Variants in VAV3 observed in about 807,000 individuals in gnomAD.
The protein encoded by VAV3 is vav guanine nucleotide exchange factor 3, also known as guanine nucleotide exchange factor VAV3.
In VAV3, 94 loss-of-function variants were observed where a neutral mutation model predicts 131.2. The ratio of observed to expected loss-of-function variants is 0.72; its 90% CI spans 0.61 to 0.85. The LOEUF is 0.85. Among genes scored for constraint, VAV3 ranks in the 40% least tolerant of loss-of-function variants. The pLI, the probability that VAV3 is intolerant of heterozygous loss-of-function variation, is 0.00. For synonymous variants in VAV3, 349 were observed against 342.0 expected (o/e 1.02, Z -0.22); for missense variants, 939 against 1,002.7 (o/e 0.94, Z 0.86).
intron 15 of VAV3, among the ~76,000 whole-genome samples, chr1:107,719,184 A>G (rs1478411941): frequency 6.6e-6 from 1 of 152,246 alleles, no homozygotes; most frequent in Non-Finnish European, 1.5e-5. Flanking sequence ...AAGCAATGGT[A>G]ACAGAAGCCA....
chr1:107,845,091 G>A lies in VAV3; in HGVS notation c.321+29810C>T, dbSNP rs182300476. Among the ~76,000 whole-genome samples, 203 of 152,320 alleles carry A rather than the reference G, an allele frequency of 1.3e-3. 6 individuals are homozygous for A. Among genetic ancestry groups the A allele is most frequent in the Admixed American group, 0.011 (165 of 15,298 alleles). ...CATCTGGTGGGTGCCCCTCTGGGAC[G>A]AAGCTTCCAGAGAAAGGAACAGGCA... On this transcript the variant is annotated intron_variant, in intron 2 of 26. Transcript: ENST00000370056.
intron 1 of VAV3, among the ~76,000 whole-genome samples, chr1:107,956,383 C>T (rs569389369): frequency 1.1e-3 from 166 of 152,236 alleles, no homozygotes; most frequent in South Asian, 3.1e-3. Flanking sequence ...ACTCTTAAAA[C>T]GTGATTGAGA....
chr1:107,620,478 C>T (rs992343683), intron 20 of VAV3, among the ~76,000 whole-genome samples: 8 of 152,056 alleles, frequency 5.3e-5, no homozygotes, highest in Non-Finnish European at 1.2e-4. Context: ...AGGCTATACA[C>T]GTAGCCTAGG....
chr1:107,884,086 T>C (rs947171890), intron 1 of VAV3, among the ~76,000 whole-genome samples: 4 of 151,840 alleles, frequency 2.6e-5, no homozygotes, highest in Non-Finnish European at 4.4e-5. Flanking sequence ...ACTCAACTAT[T>C]TTGTTAGCCA....
chr1:107,687,455 C>T (rs571198342), intron 18 of VAV3, among the ~76,000 whole-genome samples: 60 of 152,176 alleles, frequency 3.9e-4, no homozygotes, highest in African/African-American at 1.4e-3. Flanking sequence ...TTCATCGTTA[C>T]TTTGAAATTT....
intron 25 of VAV3, among the ~76,000 whole-genome samples, chr1:107,585,896 C>T (rs1650448123): frequency 6.6e-6 from 1 of 152,178 alleles, no homozygotes; most frequent in Non-Finnish European, 1.5e-5. Flanking sequence ...TTTATGCAAA[C>T]TTATAATAGC....
intron 2 of VAV3, among the ~76,000 whole-genome samples, chr1:107,855,080 G>A (rs927160085): frequency 3.9e-5 from 6 of 152,124 alleles, no homozygotes; most frequent in Non-Finnish European, 8.8e-5. Flanking sequence ...GGCCAGGTCT[G>A]GGAATGGTAC....
intron 1 of VAV3, among the ~76,000 whole-genome samples, chr1:107,919,118 A>C (rs1324635736): frequency 6.6e-6 from 1 of 152,224 alleles, no homozygotes; most frequent in Non-Finnish European, 1.5e-5. Context: ...CAAATCAATG[A>C]CTTGAAATAT....
chr1:107,657,513 AC>A (rs1656659406), intron 19 of VAV3, among the ~76,000 whole-genome samples: 1 of 152,214 alleles, frequency 6.6e-6, no homozygotes, highest in Admixed American at 6.5e-5. Flanking sequence ...ATTGTTATAC[AC>A]AGGAACTTAA....
intron 25 of VAV3, among the ~76,000 whole-genome samples, chr1:107,579,372 T>A (rs1307931698): frequency 6.6e-6 from 1 of 152,226 alleles, no homozygotes; most frequent in Non-Finnish European, 1.5e-5. Flanking sequence ...TCTGATTTAA[T>A]GTGTCTGAAA....
intron 15 of VAV3, among the ~76,000 whole-genome samples, chr1:107,743,397 G>GTATCAAGCGTAA (rs1663137562): frequency 6.6e-6 from 1 of 152,260 alleles, no homozygotes; most frequent in East Asian, 1.9e-4. Context: ...AGAGGGGGCT[G>GTATCAAGCGTAA]TATCAAGCGT....
chr1:107,741,415 G>A (rs1356818903), intron 15 of VAV3, among the ~76,000 whole-genome samples: 3 of 152,186 alleles, frequency 2.0e-5, no homozygotes, highest in African/African-American at 7.2e-5. Flanking sequence ...GTGAGGCAAG[G>A]GGTGCTGGTC....
chr1:107,597,226 T>TAAAAAAAAAAAAA (rs11294561), intron 24 of VAV3, among the ~76,000 whole-genome samples: 7 of 137,992 alleles, frequency 5.1e-5, no homozygotes, highest in Admixed American at 7.2e-5. Flanking sequence ...AAATAAAAAA[T>TAAAAAAAAAAAAA]AAAAAAAAAA....
intron 19 of VAV3, among the ~76,000 whole-genome samples, chr1:107,660,549 T>C (rs1205959965): frequency 1.3e-5 from 2 of 152,190 alleles, no homozygotes; most frequent in East Asian, 1.9e-4. Flanking sequence ...AAGCTTTCAC[T>C]TTACACCCAT....
In VAV3 at chr1:107,772,843, A is replaced by G. The variant is rs769973929; in HGVS notation, c.447T>C (p.Asp149=). ...DIYKGLPDLI[D]ETLVEDEEDL... The stretch of plus-strand genomic sequence containing the variant: ...CTTCTTCATCTTCCACAAGGGTTTC[A>G]CTACAACAAAGGATATCATATAAGG... The change falls in exon 5 of 27, where the codon GAT becomes GAC. Residue 149 remains aspartate, a splice_region_variant and synonymous_variant. Transcript: ENST00000370056. 3.7e-6 allele frequency: 6 copies of G among 1,612,092 alleles called. No homozygotes were observed. The highest frequency in any genetic ancestry group is 1.3e-5 in the African/African-American group (1 of 74,896).
At chr1:107,822,934 G>A (rs1667864004) in intron 2 of VAV3, among the ~76,000 whole-genome samples, 1 of 152,076 alleles carries the variant, frequency 6.6e-6, no homozygotes, top group Admixed American at 6.6e-5. Flanking sequence ...CAAAGGAAGA[G>A]ACAAAAGACA....
At chr1:107,850,824 C>T (rs776432267) in intron 2 of VAV3, among the ~76,000 whole-genome samples, 25 of 152,082 alleles carry the variant, frequency 1.6e-4, no homozygotes, top group Non-Finnish European at 2.6e-4. Flanking sequence ...TGTCATTCCT[C>T]CCTATTATCT....
At chr1:107,626,746 G>C (rs1654046973) in intron 20 of VAV3, among the ~76,000 whole-genome samples, 1 of 152,114 alleles carries the variant, frequency 6.6e-6, no homozygotes, top group Non-Finnish European at 1.5e-5. Context: ...ATCTGAAGGG[G>C]AAAAACACTT....
intron 19 of VAV3, chr1:107,669,015 C>T: frequency 9.6e-7 from 1 of 1,046,480 alleles, no homozygotes; most frequent in South Asian, 3.2e-5. Flanking sequence ...GCTGACTATA[C>T]AGAGAAAAAT....
Sources: gnomAD v4.1 joint callset for allele counts (sites outside exome capture counted in the v4.1 genomes callset) on GRCh38, gnomAD v4.1.1 for gene constraint, MANE v1.5 for transcripts, NCBI Gene and HGNC (gene_info 2026-07-23, HGNC 2026-07-21) for gene names.